The following CORO7 variants were observed in gnomAD, a reference collection of about 807,000 sequenced individuals.
The protein encoded by CORO7 is coronin-7.
Under a neutral mutation model 126.6 loss-of-function variants are expected in CORO7, and 107 were observed. The ratio of observed to expected loss-of-function variants is 0.85; its 90% confidence interval spans 0.72 to 0.99. CORO7 has a LOEUF of 0.99. Among genes scored for constraint, CORO7 ranks in the 50% least tolerant of loss-of-function variants. CORO7 has a pLI of 0.00. For missense variants in CORO7, 1,314 were observed against 1,255.8 expected (o/e 1.05, Z -0.70); for synonymous variants, 603 against 536.8 (o/e 1.12, Z -1.70).
At chr16:4,374,537 G>A (rs925394670) in intron 9 of CORO7, among the ~76,000 whole-genome samples, 5 of 152,094 alleles carry the variant, frequency 3.3e-5, no homozygotes, top group Non-Finnish European at 5.9e-5. Flanking sequence ...GGAGGAGGGA[G>A]CCGGCCTACA....
At chr16:4,389,941 A>C (rs2055329017) in intron 7 of CORO7, among the ~76,000 whole-genome samples, 1 of 152,164 alleles carries the variant, frequency 6.6e-6, no homozygotes, top group Non-Finnish European at 1.5e-5. Flanking sequence ...GTGGGGCCGG[A>C]TGGTTCTCAG....
intron 3 of CORO7, among the ~76,000 whole-genome samples, chr16:4,411,374 C>T (rs1262443597): frequency 1.3e-5 from 2 of 151,926 alleles, no homozygotes; most frequent in Admixed American, 1.3e-4. Flanking sequence ...GCCTGAGTGA[C>T]AGAGCAAGAC....
chr16:4,363,906 C>T (rs1242652093), intron 14 of CORO7, among the ~76,000 whole-genome samples: 2 of 152,054 alleles, frequency 1.3e-5, no homozygotes, highest in African/African-American at 2.4e-5. Flanking sequence ...GTAATCTCAC[C>T]TACTCGGGAG....
At chr16:4,371,658 G>A (rs1313403661) in intron 9 of CORO7, among the ~76,000 whole-genome samples, 1 of 152,226 alleles carries the variant, frequency 6.6e-6, no homozygotes, top group East Asian at 1.9e-4. Context: ...ACCCACGACG[G>A]GCAAGGTCTC....
At chr16:4,406,465 A>C (rs1205718891) in intron 5 of CORO7, among the ~76,000 whole-genome samples, 1 of 151,914 alleles carries the variant, frequency 6.6e-6, no homozygotes, top group Non-Finnish European at 1.5e-5. Context: ...CGCCTGGCTG[A>C]TTTTTTAATT....
intron 7 of CORO7, among the ~76,000 whole-genome samples, chr16:4,391,500 G>A (rs2055388169): frequency 6.6e-6 from 1 of 152,210 alleles, no homozygotes; most frequent in Non-Finnish European, 1.5e-5. Flanking sequence ...AGCTCGCAGT[G>A]AGCCGAGACT....
intron 9 of CORO7, among the ~76,000 whole-genome samples, chr16:4,373,879 C>T (rs1342863789): frequency 6.6e-6 from 1 of 152,060 alleles, no homozygotes; most frequent in Non-Finnish European, 1.5e-5. Context: ...ACAGGGATGG[C>T]TATCCCTGAC....
chr16:4,383,926 G>C (rs1322187081), intron 9 of CORO7, among the ~76,000 whole-genome samples: 1 of 152,200 alleles, frequency 6.6e-6, no homozygotes, highest in Non-Finnish European at 1.5e-5. Flanking sequence ...AGGCCTCATG[G>C]ATGGTCCCGG....
chr16:4,393,722 C>T (rs1187440436), intron 7 of CORO7, among the ~76,000 whole-genome samples: 1 of 152,144 alleles, frequency 6.6e-6, no homozygotes, highest in Non-Finnish European at 1.5e-5. Context: ...CTGGGGAGCT[C>T]CTCTCCTGAG....
At chr16:4,393,864 G>C (rs756117345) in intron 7 of CORO7, among the ~76,000 whole-genome samples, 2 of 152,148 alleles carry the variant, frequency 1.3e-5, no homozygotes, top group Admixed American at 1.3e-4. Flanking sequence ...ACTTTGGCAG[G>C]CCGAGGAGGG....
chr16:4,357,290 G>A lies in CORO7; in HGVS notation c.2594-31C>T, dbSNP rs1226868958. 1.9e-6 allele frequency: 3 copies of A among 1,581,772 alleles called. No homozygotes were observed. In the Admixed American group the frequency reaches 5.5e-5, roughly 29 times the overall value. On this transcript the variant is annotated intron_variant, in intron 25 of 27. Transcript: ENST00000251166. The stretch of plus-strand genomic sequence containing the variant: ...ACAGAGCAAGGACACGTGTCAGAGA[G>A]TCCCCTTCGTTAGGGCTCTTTGGTG...
At chr16:4,360,823 C>T (rs1348237533) in intron 19 of CORO7, 120 bp downstream of exon 19, 25 of 1,500,444 alleles carry the variant, frequency 1.7e-5, no homozygotes, top group African/African-American at 2.8e-5. Context: ...CACCCCTCCT[C>T]GCTGCTGGTC....
chr16:4,407,925 G>C (rs964073928), intron 4 of CORO7, among the ~76,000 whole-genome samples: 3 of 152,150 alleles, frequency 2.0e-5, no homozygotes, highest in Non-Finnish European at 4.4e-5. Context: ...CCCAGAGTTG[G>C]GGAAGTGGCT....
chr16:4,357,702 G>A (rs1236331041), intron 25 of CORO7: 2 of 522,990 alleles, frequency 3.8e-6, no homozygotes, highest in African/African-American at 1.9e-5. Context: ...GGTATTAACA[G>A]TCAATGGAGC....
In CORO7 at chr16:4,364,399, G is replaced by T; in HGVS notation, c.1152C>A (p.Ser384Arg). The change falls in exon 14 of 28, where the codon AGC (serine) becomes AGA (arginine). Residue 384 changes from serine (S) to arginine (R), a missense_variant. Coordinates refer to ENST00000251166, the MANE Select transcript of CORO7 (RefSeq NM_024535.5). Reference sequence around the variant, plus strand: ...GGTGGGGCCGGCAGGCGGGGTTGAGGCTGACCTTCTGCACCTGCATGGAGG... The same window carrying T: ...GGTGGGGCCGGCAGGCGGGGTTGAGTCTGACCTTCTGCACCTGCATGGAGG... ...AGDNQQVQKV[S>R]LNPACRPHPS... 1 of 1,508,874 alleles carries T rather than the reference G, an allele frequency of 6.6e-7. No homozygotes were observed. Among genetic ancestry groups the T allele is most frequent in the Non-Finnish European group, 8.8e-7 (1 of 1,131,058 alleles). 93.5% of individuals were successfully genotyped at this position (1,508,874 alleles called of 1,614,324 possible). A position where few individuals can be genotyped will look rare whatever the true frequency, so the allele number is the denominator to read the frequency against.
chr16:4,391,519 G>T (rs2055388906), intron 7 of CORO7, among the ~76,000 whole-genome samples: 1 of 152,164 alleles, frequency 6.6e-6, no homozygotes, highest in Admixed American at 6.5e-5. Context: ...CTGTGCCCCT[G>T]TGCTCCAGCC....
In CORO7 at chr16:4,388,618, T is replaced by C; in HGVS notation, c.629A>G (p.His210Arg). The change falls in exon 8 of 28, where the codon CAT becomes CGT. Residue 210 changes from histidine to arginine, a missense_variant. By Grantham distance (29) the His-to-Arg change is conservative (BLOSUM62 0). Transcript: ENST00000251166. ...CAGCCGGCTATCCCTGCTGTTCTCA[T>C]GGGCCTGCGTGCTCTGCAGGAGGCA... is the stretch of plus-strand genomic sequence containing the variant. The part of the protein sequence containing the change: ...KPRASQSTQA[H>R]ENSRDSRLAW... The C allele has an allele frequency of 6.2e-7, 1 of 1,612,006 alleles. No homozygotes were observed. Among genetic ancestry groups the C allele is most frequent in the Non-Finnish European group, 8.5e-7 (1 of 1,179,500 alleles).
At position 4,360,334 on chromosome 16, in the gene CORO7, T is replaced by C. The variant is rs1403335243; in HGVS notation, c.2052A>G (p.Gly684=). Reference sequence around the variant, plus strand: ...CATCACATACCCAGACAATGCGAGCTCCGCGTCCTCCCTTGGGCCCTGGGC... The same window carrying C: ...CATCACATACCCAGACAATGCGAGCCCCGCGTCCTCCCTTGGGCCCTGGGC... The part of the protein sequence containing the change: ...QEGPGPKGGR[G]ARIVWVCDGR... Residue 684 remains glycine (G), a synonymous_variant, in exon 21 of 28, where the codon GGA becomes GGG. Transcript: ENST00000251166. The C allele has an allele frequency of 3.7e-6, 6 of 1,613,474 alleles. No homozygotes were observed. The highest frequency in any genetic ancestry group is 4.2e-6 in the Non-Finnish European group (5 of 1,179,998).
At chr16:4,402,241 TTTGTTGTTGTTG>T (rs148154433) in intron 6 of CORO7, among the ~76,000 whole-genome samples, 2 of 144,540 alleles carry the variant, frequency 1.4e-5, no homozygotes, top group Non-Finnish European at 3.0e-5. Flanking sequence ...CCCGGCCAGT[TTTGTTGTTGTTG>T]TTGTTGTTGT....
Sources: gnomAD v4.1 joint callset for allele counts (sites outside exome capture counted in the v4.1 genomes callset) on GRCh38, gnomAD v4.1.1 for gene constraint, MANE v1.5 for transcripts, NCBI Gene and HGNC (gene_info 2026-07-23, HGNC 2026-07-21) for gene names.